The following GPC6 variants were observed in gnomAD, a reference collection of about 807,000 sequenced individuals.
GPC6 encodes the protein glypican-6.
In GPC6, 14 loss-of-function variants were observed where a neutral mutation model predicts 55.2. The observed-to-expected ratio is 0.25, with a 90% confidence interval of 0.17 to 0.40. The LOEUF (loss-of-function observed/expected upper bound fraction) is 0.40. Among genes scored for constraint, GPC6 ranks in the 10% least tolerant of loss-of-function variants. The pLI, the probability that GPC6 is intolerant of heterozygous loss-of-function variation, is 1.00. For synonymous variants in GPC6, 278 were observed against 259.6 expected (o/e 1.07, Z -0.68); for missense variants, 641 against 708.5 (o/e 0.90, Z 1.08).
chr13:94,112,286 C>CA (rs1886273693), intron 4 of GPC6, among the ~76,000 whole-genome samples: 1 of 152,146 alleles, frequency 6.6e-6, no homozygotes, highest in South Asian at 2.1e-4. Context: ...TACCAATTCA[C>CA]AAAAATATAT....
At chr13:93,659,561 C>T (rs1880830747) in intron 2 of GPC6, among the ~76,000 whole-genome samples, 1 of 151,932 alleles carries the variant, frequency 6.6e-6, no homozygotes, top group African/African-American at 2.4e-5. Context: ...GGATATTTTT[C>T]TTAAAAAAGC....
chr13:93,970,251 GA>G (rs35545528), intron 3 of GPC6, among the ~76,000 whole-genome samples: 1 of 152,002 alleles, frequency 6.6e-6, no homozygotes, highest in Non-Finnish European at 1.5e-5. Flanking sequence ...AACCTGTCAC[GA>G]AAAAAATTTG....
rs115636481 is a variant in GPC6, at chr13:93,982,374, C to T, written c.712-45355C>T. On this transcript the variant is annotated intron_variant, in intron 3 of 8. Coordinates refer to ENST00000377047, the MANE Select transcript of GPC6 (RefSeq NM_005708.5). ...GTCCCAGATGTCTGGACAAGACTCT[C>T]TGGAAGCAGAGAGGTGAGGAAAACT... Among the ~76,000 whole-genome samples, 622 of 152,250 alleles carry T rather than the reference C, an allele frequency of 4.1e-3. 9 individuals carry two copies. Among genetic ancestry groups the T allele is most frequent in the African/African-American group, 0.014 (593 of 41,574 alleles).
chr13:93,703,306 G>A (rs1388632276), intron 2 of GPC6, among the ~76,000 whole-genome samples: 1 of 151,776 alleles, frequency 6.6e-6, no homozygotes, highest in Non-Finnish European at 1.5e-5. Context: ...GAGGCTAGTA[G>A]CACCCCAGAG....
chr13:93,977,323 A>C (rs946395849), intron 3 of GPC6, among the ~76,000 whole-genome samples: 1 of 152,218 alleles, frequency 6.6e-6, no homozygotes, highest in African/African-American at 2.4e-5. Context: ...AGAGACAATC[A>C]AATGGGTTTC....
chr13:94,060,877 A>G (rs953530898), intron 4 of GPC6, among the ~76,000 whole-genome samples: 9 of 152,136 alleles, frequency 5.9e-5, no homozygotes, highest in African/African-American at 1.9e-4. Context: ...CTCTTTTGCA[A>G]GGTGCTGTTG....
intron 5 of GPC6, among the ~76,000 whole-genome samples, chr13:94,296,144 C>T (rs1037778547): frequency 1.3e-5 from 2 of 152,138 alleles, no homozygotes. Flanking sequence ...GGTTTGAAAA[C>T]ATGCTTATGA....
intron 2 of GPC6, among the ~76,000 whole-genome samples, chr13:93,600,949 CA>C (rs1196219049): frequency 0.067 from 1,793 of 26,946 alleles, 55 homozygotes; most frequent in African/African-American, 0.2. Flanking sequence ...AATTCCGCCT[CA>C]AAAAAAAAAA....
chr13:94,159,631 G>C (rs1035609656), intron 4 of GPC6, among the ~76,000 whole-genome samples: 3 of 152,042 alleles, frequency 2.0e-5, no homozygotes. Context: ...ATTTGGGTGG[G>C]GACACAGCCA....
intron 2 of GPC6, among the ~76,000 whole-genome samples, chr13:93,677,070 G>C (rs143345196): frequency 1.8e-4 from 27 of 152,174 alleles, no homozygotes; most frequent in Non-Finnish European, 3.7e-4. Context: ...ACTAAAAAGA[G>C]AGAGATGTAA....
intron 1 of GPC6, among the ~76,000 whole-genome samples, chr13:93,234,089 G>A (rs61963740): frequency 0.16 from 23,865 of 152,116 alleles, 2,142 homozygotes; most frequent in Middle Eastern, 0.25. Context: ...ACAACCCTGG[G>A]GTGATCAAAG....
intron 2 of GPC6, among the ~76,000 whole-genome samples, chr13:93,598,053 A>T (rs1877841904): frequency 6.6e-6 from 1 of 152,196 alleles, no homozygotes; most frequent in African/African-American, 2.4e-5. Context: ...CTGAGGCAGG[A>T]GAATCACTTG....
At chr13:93,514,722 T>G (rs1881117600) in intron 1 of GPC6, among the ~76,000 whole-genome samples, 1 of 152,170 alleles carries the variant, frequency 6.6e-6, no homozygotes. Context: ...CGTTTCCAGA[T>G]GGAGGCTTTA....
intron 4 of GPC6, among the ~76,000 whole-genome samples, chr13:94,120,567 T>C (rs772128154): frequency 1.3e-5 from 2 of 152,088 alleles, no homozygotes; most frequent in Admixed American, 6.6e-5. Context: ...ATGAAATCAA[T>C]GTGGGTTTAG....
intron 3 of GPC6, among the ~76,000 whole-genome samples, chr13:93,844,551 T>G (rs372453251): frequency 0.042 from 6,387 of 151,278 alleles, 321 homozygotes; most frequent in East Asian, 0.17. Flanking sequence ...TTAGCCCTTT[T>G]TCAGATGAGT....
chr13:93,520,020 G>A (rs1004424792), intron 1 of GPC6, among the ~76,000 whole-genome samples: 1 of 151,938 alleles, frequency 6.6e-6, no homozygotes, highest in East Asian at 1.9e-4. Context: ...AACATAGAAA[G>A]TGTCAGCTGT....
chr13:94,107,541 C>T (rs545292086), intron 4 of GPC6, among the ~76,000 whole-genome samples: 1 of 151,084 alleles, frequency 6.6e-6, no homozygotes, highest in African/African-American at 2.4e-5. Flanking sequence ...TCAGGCAAGA[C>T]ATTTCACCAA....
chr13:94,284,458 T>G (rs903753195), intron 4 of GPC6, among the ~76,000 whole-genome samples: 22 of 151,152 alleles, frequency 1.5e-4, no homozygotes, highest in African/African-American at 5.3e-4. Flanking sequence ...ACATGTATGT[T>G]TTTTTTTTAA....
chr13:93,359,476 CTACTTAGAAA>C, intron 1 of GPC6, among the ~76,000 whole-genome samples: 2 of 152,050 alleles, frequency 1.3e-5, no homozygotes, highest in South Asian at 4.2e-4. Flanking sequence ...CAAAAGTTAT[CTACTTAGAAA>C]AATAAAATTA....
Sources: gnomAD v4.1 joint callset for allele counts (sites outside exome capture counted in the v4.1 genomes callset) on GRCh38, gnomAD v4.1.1 for gene constraint, MANE v1.5 for transcripts, NCBI Gene and HGNC (gene_info 2026-07-23, HGNC 2026-07-21) for gene names.